The following ZNF185 variants were observed in gnomAD, a reference collection of about 807,000 sequenced individuals.
The protein encoded by ZNF185 is zinc finger protein 185 with LIM domain.
A neutral mutation model predicts 58.6 loss-of-function variants in ZNF185; 56 were observed. The observed-to-expected ratio is 0.95, with a 90% CI of 0.77 to 1.19. The LOEUF (loss-of-function observed/expected upper bound fraction) is 1.19. Ranked by LOEUF, ZNF185 falls within the 50% of genes most tolerant of loss-of-function variation. The pLI is 0.00. For missense variants in ZNF185, 627 were observed against 573.5 expected, an observed-to-expected ratio of 1.09 and a Z score of -0.95; for synonymous variants, 230 against 215.9, an observed-to-expected ratio of 1.07 and a Z score of -0.57.
In ZNF185 at chrX:152,922,734, G is replaced by A. The variant is rs200403678; in HGVS notation, c.755G>A (p.Arg252Lys). ...TTCTTTGCCAGTGCGGATGGAGGCA[G>A]GACCAAAGCGTCTCGGGCAATTTGG... Residue 252 changes from arginine to lysine, a missense_variant, in exon 11 of 23, where the codon AGG becomes AAG. By Grantham distance (26) the Arg-to-Lys change is conservative. Coordinates refer to ENST00000449285, the Ensembl canonical transcript of ZNF185. 2.6e-5 allele frequency: 31 copies of A among 1,198,437 alleles called. No individual in the cohort carries two copies. Among genetic ancestry groups the A allele is most frequent in the Admixed American group, 2.0e-4 (9 of 44,427 alleles).
chrX:152,968,954 G>T (rs782286081), intron 20 of ZNF185, among the ~76,000 whole-genome samples: 1 of 111,524 alleles, frequency 9.0e-6, no homozygotes, highest in Non-Finnish European at 1.9e-5. Context: ...AGCTCAGTTG[G>T]CCCAGGCGTG....
intron 16 of ZNF185, among the ~76,000 whole-genome samples, chrX:152,946,802 G>T (rs782358111): frequency 9.8e-5 from 11 of 112,033 alleles, no homozygotes; most frequent in Non-Finnish European, 1.9e-4. Context: ...ACAAAGGAGG[G>T]TTAATCCAGC....
At chrX:152,959,221 C>G (rs781785220) in intron 16 of ZNF185, among the ~76,000 whole-genome samples, 1 of 111,982 alleles carries the variant, frequency 8.9e-6, no homozygotes, top group African/African-American at 3.2e-5. Flanking sequence ...TACCCTTGCC[C>G]CTACCGAGCC....
intron 16 of ZNF185, among the ~76,000 whole-genome samples, chrX:152,954,102 C>T (rs1270759230): frequency 5.6e-5 from 6 of 108,037 alleles, no homozygotes; most frequent in Non-Finnish European, 1.1e-4. Context: ...GACTTGCAAA[C>T]ATCACAAAAT....
At chrX:152,926,583 G>T (rs1556872897) in intron 11 of ZNF185, among the ~76,000 whole-genome samples, 1 of 112,628 alleles carries the variant, frequency 8.9e-6, no homozygotes. Flanking sequence ...GATCAGTTTT[G>T]GGCTTCAGGC....
chrX:152,965,302 C>T lies in ZNF185; in HGVS notation c.1719-145C>T. 5 of 460,334 alleles carry T rather than the reference C, an allele frequency of 1.1e-5. No homozygotes were observed. The East Asian group carries it at 1.9e-4, about 17-fold the overall frequency. 37.9% of individuals were successfully genotyped at this position (460,334 alleles called of 1,213,427 possible). On this transcript the variant is annotated intron_variant, in intron 18 of 22. Coordinates refer to ENST00000449285, the Ensembl canonical transcript of ZNF185. ...GTCTGAGTCCACAGCAGTGCCAGTG[C>T]CTTTATCCTGGGCCTTCCCATGAGC...
intron 15 of ZNF185, among the ~76,000 whole-genome samples, chrX:152,939,739 T>C (rs1435739674): frequency 7.3e-5 from 8 of 109,966 alleles, no homozygotes; most frequent in Non-Finnish European, 1.5e-4. Flanking sequence ...CTCACGCTAC[T>C]TTCCTCTGAT....
At chrX:152,951,108 T>C (rs5924777) in intron 16 of ZNF185, among the ~76,000 whole-genome samples, 25,657 of 97,738 alleles carry the variant, frequency 0.26, 3,006 homozygotes, top group African/African-American at 0.31. Flanking sequence ...TTTTTTGAGA[T>C]GGAGTCTTGC....
chrX:152,954,835 C>T (rs1480261678), intron 16 of ZNF185, among the ~76,000 whole-genome samples: 1 of 111,352 alleles, frequency 9.0e-6, no homozygotes. Context: ...AAAACCTCAG[C>T]CGGATTAAAT....
intron 14 of ZNF185, among the ~76,000 whole-genome samples, chrX:152,934,310 G>A (rs1422617247): frequency 5.4e-5 from 6 of 111,911 alleles, no homozygotes; most frequent in African/African-American, 9.7e-5. Flanking sequence ...TGGCTGTCGC[G>A]GAAGAGACTT....
intron 11 of ZNF185, among the ~76,000 whole-genome samples, chrX:152,926,310 G>A (rs192545788): frequency 1.7e-4 from 19 of 112,876 alleles, no homozygotes; most frequent in South Asian, 1.1e-3. Context: ...ATGAGATCGT[G>A]CACCTGAAGT....
intron 17 of ZNF185, among the ~76,000 whole-genome samples, chrX:152,960,274 A>G (rs2049322985): frequency 8.9e-6 from 1 of 112,389 alleles, no homozygotes; most frequent in African/African-American, 3.2e-5. Context: ...ACTGCCAGAA[A>G]TAACAACTGT....
the ZNF185 span, among the ~76,000 whole-genome samples, chrX:152,905,473 G>A: frequency 8.9e-6 from 1 of 111,741 alleles, no homozygotes; most frequent in Non-Finnish European, 1.9e-5. Context: ...TCGTGGGAGG[G>A]CCCTTACTCA....
At chrX:152,912,141 A>C (rs1556862216), upstream of ZNF185, among the ~76,000 whole-genome samples, 1 of 110,940 alleles carries the variant, frequency 9.0e-6, no homozygotes, top group Non-Finnish European at 1.9e-5. Context: ...TGACTCTTTC[A>C]TATTTATTGT....
chrX:152,960,369 A>G (rs893588289), intron 17 of ZNF185, among the ~76,000 whole-genome samples: 1 of 112,604 alleles, frequency 8.9e-6, no homozygotes, highest in Admixed American at 9.4e-5. Flanking sequence ...GTGCTGACTC[A>G]GGGTTGCTCA....
upstream of ZNF185, among the ~76,000 whole-genome samples, chrX:152,913,315 C>T (rs1556862938): frequency 8.9e-6 from 1 of 112,513 alleles, no homozygotes; most frequent in East Asian, 2.8e-4. Flanking sequence ...TCGGCTGTGG[C>T]CACTCAGGGC....
the ZNF185 span, among the ~76,000 whole-genome samples, chrX:152,902,264 G>A: frequency 2.7e-5 from 3 of 112,477 alleles, no homozygotes; most frequent in Non-Finnish European, 3.8e-5. Context: ...GTGGTCCCTG[G>A]CCTTGGCCCC....
chrX:152,927,813 A>G (rs1941155243), intron 11 of ZNF185, among the ~76,000 whole-genome samples: 1 of 39,066 alleles, frequency 2.6e-5, no homozygotes, highest in African/African-American at 1.5e-4. Context: ...CTGCACTTCC[A>G]GGGCCCAGGG....
At chrX:152,903,377 G>A in the ZNF185 span, among the ~76,000 whole-genome samples, 1 of 76,208 alleles carries the variant, frequency 1.3e-5, no homozygotes, top group African/African-American at 5.5e-5. Flanking sequence ...GTGACAGAGC[G>A]AGACTCGTCT....
Sources: gnomAD v4.1 joint callset for allele counts (sites outside exome capture counted in the v4.1 genomes callset) on GRCh38, gnomAD v4.1.1 for gene constraint, MANE v1.5 for transcripts, NCBI Gene and HGNC (gene_info 2026-07-23, HGNC 2026-07-21) for gene names.